The following PIP5K1B variants were observed in gnomAD, a reference collection of about 807,000 sequenced individuals.
The protein encoded by PIP5K1B is phosphatidylinositol 4-phosphate 5-kinase type-1 beta.
A neutral mutation model predicts 67.0 loss-of-function variants in PIP5K1B; 42 were observed. That is an observed-to-expected ratio of 0.63 (90% CI 0.49 to 0.81). PIP5K1B has a LOEUF of 0.81. Among genes scored for constraint, PIP5K1B ranks in the 30% least tolerant of loss-of-function variants. PIP5K1B has a pLI of 0.00. For synonymous variants in PIP5K1B, 214 were observed against 231.4 expected (o/e 0.92, Z 0.68); for missense variants, 459 against 646.3 (o/e 0.71, Z 3.14).
intron 1 of PIP5K1B, among the ~76,000 whole-genome samples, chr9:68,711,443 T>A (rs1040971142): frequency 6.6e-6 from 1 of 152,232 alleles, no homozygotes; most frequent in African/African-American, 2.4e-5. Flanking sequence ...TGGAAAAGGT[T>A]AAGCATCATG....
At chr9:68,809,508 C>G (rs578103632) in intron 2 of PIP5K1B, among the ~76,000 whole-genome samples, 27 of 152,102 alleles carry the variant, frequency 1.8e-4, no homozygotes, top group Non-Finnish European at 3.7e-4. Context: ...GAGGGACTTA[C>G]GATCATAGGT....
intron 4 of PIP5K1B, among the ~76,000 whole-genome samples, chr9:68,836,113 T>C (rs975775556): frequency 6.6e-6 from 1 of 152,000 alleles, no homozygotes; most frequent in East Asian, 1.9e-4. Flanking sequence ...TAAGGGAAGG[T>C]GGGAGTGGGC....
chr9:68,753,684 C>T (rs942027306), intron 2 of PIP5K1B, among the ~76,000 whole-genome samples: 2 of 152,028 alleles, frequency 1.3e-5, no homozygotes, highest in African/African-American at 4.8e-5. Flanking sequence ...GCCACCACGC[C>T]TTGCTAATTT....
At chr9:68,911,827 G>A (rs540689395) in intron 8 of PIP5K1B, among the ~76,000 whole-genome samples, 1 of 152,236 alleles carries the variant, frequency 6.6e-6, no homozygotes, top group South Asian at 2.1e-4. Flanking sequence ...AGGCTGCAGT[G>A]AGTCATGTTT....
intron 11 of PIP5K1B, among the ~76,000 whole-genome samples, chr9:68,922,084 G>T (rs1826434127): frequency 6.6e-6 from 1 of 152,158 alleles, no homozygotes; most frequent in East Asian, 1.9e-4. Context: ...CTTGCCTTCT[G>T]CTGATATTTC....
rs559106539 is a variant in PIP5K1B at position 68,800,932 on chromosome 9, T to C, written c.-85-17529T>C. Among the ~76,000 whole-genome samples the C allele has an allele frequency of 7.2e-5, 11 of 152,318 alleles. No individual in the cohort carries two copies. The South Asian group carries it at 2.3e-3, about 32-fold the overall frequency. On this transcript the variant is annotated intron_variant, in intron 2 of 15. Transcript: ENST00000265382. Reference sequence around the variant, plus strand: ...GGAATACTTTGAGCAGTTGTCTCCCTGTGCTTGCATCTCTTCTCCCCCTCA... The same window carrying C: ...GGAATACTTTGAGCAGTTGTCTCCCCGTGCTTGCATCTCTTCTCCCCCTCA...
At chr9:68,845,325 C>A (rs181352057) in intron 4 of PIP5K1B, among the ~76,000 whole-genome samples, 13 of 152,242 alleles carry the variant, frequency 8.5e-5, no homozygotes, top group Admixed American at 7.8e-4. Context: ...CTTTTTCTAC[C>A]TTTGGTCAAA....
At chr9:68,974,577 G>A in intron 14 of PIP5K1B, among the ~76,000 whole-genome samples, 1 of 152,230 alleles carries the variant, frequency 6.6e-6, no homozygotes, top group South Asian at 2.1e-4. Context: ...CAGGACAGGT[G>A]TCGACCTGTA....
chr9:68,709,379 C>T (rs1336191816), intron 1 of PIP5K1B, among the ~76,000 whole-genome samples: 4 of 152,018 alleles, frequency 2.6e-5, no homozygotes, highest in Admixed American at 6.6e-5. Context: ...ACAACAGGCA[C>T]GCACTACCAT....
At chr9:68,779,182 A>G (rs1831082196) in intron 2 of PIP5K1B, among the ~76,000 whole-genome samples, 2 of 152,308 alleles carry the variant, frequency 1.3e-5, no homozygotes, top group South Asian at 4.1e-4. Flanking sequence ...CTCACTTTTA[A>G]TGAGATATCA....
intron 5 of PIP5K1B, among the ~76,000 whole-genome samples, chr9:68,868,985 C>G (rs906561568): frequency 6.6e-6 from 1 of 152,182 alleles, no homozygotes; most frequent in Admixed American, 6.5e-5. Flanking sequence ...AAAACATTAT[C>G]CTAAATGATA....
intron 14 of PIP5K1B, among the ~76,000 whole-genome samples, chr9:68,969,515 T>C (rs573472647): frequency 6.6e-6 from 1 of 152,250 alleles, no homozygotes; most frequent in Non-Finnish European, 1.5e-5. Flanking sequence ...ATGTAGAATT[T>C]TTTATTCAAC....
chr9:69,006,605 C>A (rs1831094318), intron 15 of PIP5K1B, among the ~76,000 whole-genome samples: 1 of 152,134 alleles, frequency 6.6e-6, no homozygotes, highest in Non-Finnish European at 1.5e-5. Context: ...CTCTACCTCT[C>A]CTATTTTCTA....
rs182197832 is a variant in PIP5K1B at position 68,727,069 on chromosome 9, C to T, written c.-242-15432C>T. Among the ~76,000 whole-genome samples the T allele has an allele frequency of 7.4e-4, 112 of 151,144 alleles. 2 individuals are homozygous for T. Among genetic ancestry groups the T allele is most frequent in the African/African-American group, 2.4e-3 (99 of 41,150 alleles). ...AGTTTTACCTCAGAACAGGTGTTGG[C>T]GAAAACAAAAATGAAGACTTTAGTA... On this transcript the variant is annotated intron_variant, in intron 1 of 15. Coordinates refer to ENST00000265382, the MANE Select transcript of PIP5K1B (RefSeq NM_003558.4).
At chr9:68,815,654 AC>A (rs1018866438) in intron 2 of PIP5K1B, among the ~76,000 whole-genome samples, 71 of 152,206 alleles carry the variant, frequency 4.7e-4, no homozygotes, top group Admixed American at 1.4e-3. Context: ...ACAGAAAAAA[AC>A]GTGAGTGCGT....
At chr9:68,805,348 G>T (rs1832814829) in intron 2 of PIP5K1B, among the ~76,000 whole-genome samples, 2 of 152,206 alleles carry the variant, frequency 1.3e-5, no homozygotes, top group African/African-American at 4.8e-5. Flanking sequence ...GCCACGAGAA[G>T]GTTGGGAGCA....
At chr9:68,934,304 C>T (rs72722034) in intron 12 of PIP5K1B, among the ~76,000 whole-genome samples, 9,509 of 152,184 alleles carry the variant, frequency 0.062, 393 homozygotes, top group Non-Finnish European at 0.092. Flanking sequence ...GTGAATTATA[C>T]GTCTGACATA....
chr9:68,769,225 C>A (rs748710059), intron 2 of PIP5K1B, among the ~76,000 whole-genome samples: 1 of 152,186 alleles, frequency 6.6e-6, no homozygotes, highest in Non-Finnish European at 1.5e-5. Flanking sequence ...GAGGCATGTG[C>A]AGAATGCTTT....
At chr9:68,846,668 C>G (rs1822207099) in intron 4 of PIP5K1B, among the ~76,000 whole-genome samples, 1 of 152,170 alleles carries the variant, frequency 6.6e-6, no homozygotes, top group Admixed American at 6.5e-5. Context: ...CATTTAGCAA[C>G]AGTTACCCTG....
Sources: allele counts gnomAD v4.1 joint callset (sites outside exome capture counted in the v4.1 genomes callset), GRCh38; gene constraint gnomAD v4.1.1; transcripts MANE v1.5; gene names NCBI Gene and HGNC (gene_info 2026-07-23, HGNC 2026-07-21).